The following SGK3 variants were observed in gnomAD, a reference collection of about 807,000 sequenced individuals.
SGK3 encodes the protein serum/glucocorticoid regulated kinase family member 3.
Under a neutral mutation model 68.5 loss-of-function variants are expected in SGK3, and 47 were observed. That is an observed-to-expected ratio of 0.69 (90% CI 0.54 to 0.87). The LOEUF is 0.87. Among genes scored for constraint, SGK3 ranks in the 40% least tolerant of loss-of-function variants. SGK3 has a pLI of 0.00. For synonymous variants in SGK3, 181 were observed against 189.1 expected, an observed-to-expected ratio of 0.96 and a Z score of 0.35; for missense variants, 479 against 575.5, an observed-to-expected ratio of 0.83 and a Z score of 1.72.
intron 13 of SGK3, among the ~76,000 whole-genome samples, chr8:66,842,404 T>G (rs1368955792): frequency 6.6e-6 from 1 of 152,056 alleles, no homozygotes; most frequent in Non-Finnish European, 1.5e-5. Flanking sequence ...GTATTTTTGG[T>G]AGAGACGGGG....
At chr8:66,839,926 C>G in intron 10 of SGK3, 77 bp from the exon 11 acceptor site, 1 of 1,312,370 alleles carries the variant, frequency 7.6e-7, no homozygotes, top group Non-Finnish European at 1.1e-6. Context: ...TTGTATTTAC[C>G]GAATATATTT....
intron 13 of SGK3, among the ~76,000 whole-genome samples, chr8:66,842,974 G>C (rs1809857104): frequency 6.6e-6 from 1 of 152,128 alleles, no homozygotes; most frequent in South Asian, 2.1e-4. Context: ...AGGAGGCTGA[G>C]GTGGGAGTAT....
At chr8:66,847,571 T>A (rs1344048321) in intron 15 of SGK3, among the ~76,000 whole-genome samples, 1 of 152,208 alleles carries the variant, frequency 6.6e-6, no homozygotes, top group Non-Finnish European at 1.5e-5. Context: ...ATCCACCACA[T>A]ACACTTTCGC....
intron 2 of SGK3, among the ~76,000 whole-genome samples, chr8:66,797,015 A>AATAAGCTGTACATATTTAATAAGCT (rs1554600212): frequency 1.3e-5 from 2 of 150,938 alleles, no homozygotes; most frequent in Non-Finnish European, 2.9e-5. Context: ...CTGTTTTATT[A>AATAAGCTGTACATATTTAATAAGCT]GTACATATTT....
intron 1 of SGK3, among the ~76,000 whole-genome samples, chr8:66,788,172 A>T (rs183035022): frequency 1.3e-5 from 2 of 152,332 alleles, no homozygotes; most frequent in Admixed American, 1.3e-4. Flanking sequence ...GCAGTAGGGG[A>T]GTCTGGGCTG....
chr8:66,817,134 A>G (rs1291313186), intron 5 of SGK3, among the ~76,000 whole-genome samples: 1 of 152,008 alleles, frequency 6.6e-6, no homozygotes, highest in Non-Finnish European at 1.5e-5. Flanking sequence ...ATGTGCTTTT[A>G]AAATAGCTTT....
chr8:66,825,119 A>T (rs1379567677), intron 6 of SGK3, among the ~76,000 whole-genome samples: 1 of 152,192 alleles, frequency 6.6e-6, no homozygotes, highest in Non-Finnish European at 1.5e-5. Flanking sequence ...AGCTGCAGAC[A>T]ACTCGAAGAT....
intron 1 of SGK3, among the ~76,000 whole-genome samples, chr8:66,739,244 G>A (rs1805413184): frequency 6.6e-6 from 1 of 152,056 alleles, no homozygotes; most frequent in African/African-American, 2.4e-5. Flanking sequence ...AGGTCGAAGG[G>A]GAAGCAGACA....
At chr8:66,771,965 T>C (rs1470212118) in intron 1 of SGK3, among the ~76,000 whole-genome samples, 1 of 150,788 alleles carries the variant, frequency 6.6e-6, no homozygotes, top group Non-Finnish European at 1.5e-5. Context: ...TTGGTTATCA[T>C]GAAGTAACTG....
chr8:66,821,836 AT>A (rs1808843293), intron 5 of SGK3, among the ~76,000 whole-genome samples: 1 of 151,764 alleles, frequency 6.6e-6, no homozygotes, highest in South Asian at 2.1e-4. Context: ...GCAGCACATA[AT>A]TTTTTCTATG....
rs1394124036 is a variant in SGK3 at position 66,726,859 on chromosome 8, T to G, written c.-122+14026T>G. 2.7e-5 allele frequency among the ~76,000 whole-genome samples: 4 copies of G among 149,366 alleles called. No individual in the cohort carries two copies. The South Asian group carries it at 8.4e-4, about 31-fold the overall frequency. The stretch of plus-strand genomic sequence containing the variant: ...CTGATTGTGTTAAATCCTGAACCTA[T>G]AGAATTTGAATATCTTATGCTGTTA... On this transcript the variant is annotated intron_variant, in intron 1 of 16. Transcript: ENST00000521198.
chr8:66,859,759 G>A lies in SGK3; in HGVS notation c.*178G>A. ...CAAGAAAAATAGGGCATTTCAAAGAGCTGTTTTGATTAAAATTTATATTCT... is the reference window on the plus strand; with the variant it reads ...CAAGAAAAATAGGGCATTTCAAAGAACTGTTTTGATTAAAATTTATATTCT... On this transcript the variant is annotated 3_prime_UTR_variant, in exon 17 of 17. Transcript: ENST00000521198. 1 of 629,314 alleles carries A rather than the reference G, an allele frequency of 1.6e-6. No homozygotes were observed. Among genetic ancestry groups the A allele is most frequent in the Non-Finnish European group, 2.3e-6 (1 of 426,792 alleles). 39.0% of individuals were successfully genotyped at this position (629,314 alleles called of 1,614,324 possible).
intron 14 of SGK3, among the ~76,000 whole-genome samples, chr8:66,846,188 C>T (rs1052101280): frequency 6.6e-6 from 1 of 152,012 alleles, no homozygotes; most frequent in South Asian, 2.1e-4. Flanking sequence ...CACATTAATT[C>T]AAAAGGAAGT....
At chr8:66,793,853 A>G (rs1209285907) in intron 2 of SGK3, 21 bp downstream of exon 2, 5 of 1,605,536 alleles carry the variant, frequency 3.1e-6, no homozygotes, top group South Asian at 1.1e-5. Flanking sequence ...AACATAAAGC[A>G]TGTGGGAAAA....
chr8:66,827,027 T>C (rs1809087838), intron 6 of SGK3, among the ~76,000 whole-genome samples: 1 of 152,168 alleles, frequency 6.6e-6, no homozygotes, highest in African/African-American at 2.4e-5. Flanking sequence ...TATTACAAAT[T>C]TGAAATGAAT....
chr8:66,787,693 T>C (rs1473115766), intron 1 of SGK3, among the ~76,000 whole-genome samples: 1 of 152,252 alleles, frequency 6.6e-6, no homozygotes, highest in African/African-American at 2.4e-5. Context: ...ACAAGTCATC[T>C]TGACCACATG....
At chr8:66,768,444 A>G (rs1431326899) in intron 1 of SGK3, among the ~76,000 whole-genome samples, 2 of 151,616 alleles carry the variant, frequency 1.3e-5, no homozygotes, top group Non-Finnish European at 2.9e-5. Flanking sequence ...GTCTGAAAAA[A>G]TCTTTATATA....
chr8:66,768,758 T>G (rs1413170845), intron 1 of SGK3, among the ~76,000 whole-genome samples: 5 of 152,048 alleles, frequency 3.3e-5, no homozygotes, highest in African/African-American at 1.2e-4. Flanking sequence ...AGAGTCAGGG[T>G]TTCACCATAT....
intron 4 of SGK3, among the ~76,000 whole-genome samples, chr8:66,813,151 G>A (rs1808446174): frequency 6.6e-6 from 1 of 152,172 alleles, no homozygotes; most frequent in Non-Finnish European, 1.5e-5. Context: ...CTACTTGGCA[G>A]GCTGAGGCAG....
Sources: gnomAD v4.1 joint callset for allele counts (sites outside exome capture counted in the v4.1 genomes callset) on GRCh38, gnomAD v4.1.1 for gene constraint, MANE v1.5 for transcripts, NCBI Gene and HGNC (gene_info 2026-07-23, HGNC 2026-07-21) for gene names.